Variants in HORMAD2 observed in about 807,000 individuals in gnomAD.
HORMAD2 encodes HORMA domain containing 2.
In HORMAD2, 45 loss-of-function variants were observed where a neutral mutation model predicts 38.8. The ratio of observed to expected loss-of-function variants is 1.16; its 90% CI spans 0.91 to 1.49. The LOEUF (loss-of-function observed/expected upper bound fraction) is 1.49, where lower values mean the gene tolerates loss of function less well. HORMAD2 is among the 40% of genes most tolerant of loss of function. The pLI is 0.00. For synonymous variants in HORMAD2, 126 were observed against 122.8 expected (o/e 1.03, Z -0.17); for missense variants, 338 against 367.0 (o/e 0.92, Z 0.65).
intron 7 of HORMAD2, among the ~76,000 whole-genome samples, chr22:30,115,669 C>T (rs895420927): frequency 5.3e-5 from 8 of 151,972 alleles, no homozygotes; most frequent in African/African-American, 9.7e-5. Flanking sequence ...TAGAAGCCTA[C>T]GTTCTTATGA....
At chr22:30,150,143 C>G (rs770018151) in intron 10 of HORMAD2, among the ~76,000 whole-genome samples, 2 of 151,840 alleles carry the variant, frequency 1.3e-5, no homozygotes, top group Non-Finnish European at 2.9e-5. Flanking sequence ...TTTCTCTGTT[C>G]TTTCTTTCTG....
chr22:30,144,569 G>A (rs770911245), intron 10 of HORMAD2, among the ~76,000 whole-genome samples: 23 of 152,200 alleles, frequency 1.5e-4, no homozygotes, highest in Non-Finnish European at 2.6e-4. Context: ...AGCTAGGTAC[G>A]GGGACAACGG....
chr22:30,155,076 TAAA>T (rs76739346), intron 10 of HORMAD2, among the ~76,000 whole-genome samples: 1 of 138,020 alleles, frequency 7.2e-6, no homozygotes. Context: ...TTGCTTTTTT[TAAA>T]AAAAAAAAAA....
the HORMAD2 span, among the ~76,000 whole-genome samples, chr22:30,182,633 T>C: frequency 6.6e-6 from 1 of 152,130 alleles, no homozygotes; most frequent in Admixed American, 6.5e-5. Flanking sequence ...CCAGTAAATA[T>C]TTGTTGAATG....
chr22:30,188,399 GA>G, the HORMAD2 span, among the ~76,000 whole-genome samples: 32,746 of 148,934 alleles, frequency 0.22, 4,104 homozygotes, highest in Middle Eastern at 0.43. Context: ...CATCTCTGGA[GA>G]AAAAAAAAAA....
chr22:30,176,258 T>C lies in HORMAD2; in HGVS notation c.*91T>C. 1 of 882,572 alleles carries C rather than the reference T, an allele frequency of 1.1e-6. No homozygotes were observed. Among genetic ancestry groups the C allele is most frequent in the Non-Finnish European group, 1.7e-6 (1 of 587,324 alleles). The allele number at this position is 882,572 out of a possible 1,614,324, so 54.7% of individuals were successfully genotyped here. On this transcript the variant is annotated 3_prime_UTR_variant, in exon 11 of 11. Transcript: ENST00000336726. The stretch of plus-strand genomic sequence containing the variant: ...TCTTAGCAGGAAAGTACATTCCTGT[T>C]ACCAAAACCTTTTTCTAAATTTTTT...
chr22:30,203,388 C>G, the HORMAD2 span, among the ~76,000 whole-genome samples: 1 of 79,918 alleles, frequency 1.3e-5, no homozygotes, highest in Non-Finnish European at 2.4e-5. Context: ...GAGCAAGACT[C>G]TGTCTCAAAA....
At chr22:30,164,198 A>G (rs546182153) in intron 10 of HORMAD2, among the ~76,000 whole-genome samples, 26 of 152,272 alleles carry the variant, frequency 1.7e-4, no homozygotes, top group Admixed American at 3.3e-4. Context: ...CCATTCATCT[A>G]TTGATGGACA....
At chr22:30,186,252 A>G in the HORMAD2 span, among the ~76,000 whole-genome samples, 3 of 151,922 alleles carry the variant, frequency 2.0e-5, no homozygotes, top group Non-Finnish European at 2.9e-5. Flanking sequence ...ATATTTTTCC[A>G]TTGGCTGAAA....
At chr22:30,088,100 TAC>T (rs897428400) in intron 1 of HORMAD2, among the ~76,000 whole-genome samples, 5 of 134,068 alleles carry the variant, frequency 3.7e-5, no homozygotes, top group Non-Finnish European at 8.8e-5. Context: ...TACACACACG[TAC>T]ACACGTGTAC....
chr22:30,130,643 G>T (rs5763793), intron 10 of HORMAD2, among the ~76,000 whole-genome samples: 64,172 of 145,250 alleles, frequency 0.44, 15,184 homozygotes, highest in African/African-American at 0.6. Flanking sequence ...CAGGCTGGAG[G>T]GCAGTGACGC....
At chr22:30,141,681 G>A (rs1282935614) in intron 10 of HORMAD2, among the ~76,000 whole-genome samples, 10 of 147,996 alleles carry the variant, frequency 6.8e-5, no homozygotes, top group Non-Finnish European at 1.2e-4. Flanking sequence ...TGCAACCTCC[G>A]CCTCCTGAGT....
chr22:30,158,595 T>TTCCCTCCCTCCCTTTG (rs1555953555), intron 10 of HORMAD2, among the ~76,000 whole-genome samples: 3,451 of 96,054 alleles, frequency 0.036, 319 homozygotes, highest in African/African-American at 0.15. Flanking sequence ...CCTTCCTTCC[T>TTCCCTCCCTCCCTTTG]TCCCTCCCTC....
chr22:30,140,301 A>G (rs1382742401), intron 10 of HORMAD2, among the ~76,000 whole-genome samples: 2 of 152,136 alleles, frequency 1.3e-5, no homozygotes, highest in African/African-American at 4.8e-5. Context: ...AGAGAGAGAA[A>G]TGAATTGAAA....
At chr22:30,193,149 A>G in the HORMAD2 span, among the ~76,000 whole-genome samples, 1 of 152,244 alleles carries the variant, frequency 6.6e-6, no homozygotes, top group Admixed American at 6.5e-5. Context: ...CAAAAAGCAG[A>G]TGGAGAAATA....
the HORMAD2 span, among the ~76,000 whole-genome samples, chr22:30,183,458 G>A: frequency 6.6e-6 from 1 of 152,182 alleles, no homozygotes; most frequent in Admixed American, 6.5e-5. Context: ...CCACTCAGCA[G>A]AGTTAATCAC....
chr22:30,112,538 A>G lies in HORMAD2; in HGVS notation c.342+16A>G. 1 of 1,244,700 alleles carries G rather than the reference A, an allele frequency of 8.0e-7. No individual in the cohort carries two copies. Among genetic ancestry groups the G allele is most frequent in the Non-Finnish European group, 1.1e-6 (1 of 920,592 alleles). 77.1% of individuals were successfully genotyped at this position (1,244,700 alleles called of 1,614,324 possible). On this transcript the variant is annotated intron_variant, in intron 7 of 10. Coordinates refer to ENST00000336726, the MANE Select transcript of HORMAD2 (RefSeq NM_152510.4). ...GGGATCTGAGGTAAGAACACACACAAACGTATAGGTGGGTAGTATATGTAT... is the reference window on the plus strand; with the variant it reads ...GGGATCTGAGGTAAGAACACACACAGACGTATAGGTGGGTAGTATATGTAT...
upstream of HORMAD2, among the ~76,000 whole-genome samples, chr22:30,078,411 G>A (rs369611177): frequency 9.9e-5 from 15 of 151,906 alleles, no homozygotes; most frequent in South Asian, 4.2e-4. Context: ...TTCAAGACCA[G>A]CCTGGCCAAC....
At chr22:30,175,269 A>AT (rs1926372267) in intron 10 of HORMAD2, among the ~76,000 whole-genome samples, 1 of 139,188 alleles carries the variant, frequency 7.2e-6, no homozygotes. Context: ...TATATATAAT[A>AT]ATATATATAA....
Sources: allele counts gnomAD v4.1 joint callset (sites outside exome capture counted in the v4.1 genomes callset), GRCh38; gene constraint gnomAD v4.1.1; transcripts MANE v1.5; gene names NCBI Gene and HGNC (gene_info 2026-07-23, HGNC 2026-07-21).